The following PLCB4 variants were observed in gnomAD, a reference collection of about 807,000 sequenced individuals.
PLCB4 encodes 1-phosphatidylinositol 4,5-bisphosphate phosphodiesterase beta-4.
Under a neutral mutation model 178.8 loss-of-function variants are expected in PLCB4, and 77 were observed. The ratio of observed to expected loss-of-function variants is 0.43; its 90% CI spans 0.36 to 0.52. PLCB4 has a LOEUF of 0.52. PLCB4 is among the 20% of genes least tolerant of loss of function. The pLI is 0.00. For synonymous variants in PLCB4, 496 were observed against 490.8 expected (o/e 1.01, Z -0.14); for missense variants, 1,024 against 1,453.4 (o/e 0.70, Z 4.80).
intron 25 of PLCB4, among the ~76,000 whole-genome samples, chr20:9,419,222 G>A (rs993794143): frequency 6.6e-6 from 1 of 151,928 alleles, no homozygotes; most frequent in Admixed American, 6.6e-5. Flanking sequence ...CCTACCTCTA[G>A]CTGAAATGTC....
intron 35 of PLCB4, among the ~76,000 whole-genome samples, chr20:9,468,366 T>G (rs1263953543): frequency 6.6e-6 from 1 of 152,222 alleles, no homozygotes; most frequent in Non-Finnish European, 1.5e-5. Flanking sequence ...TTTTCCATGC[T>G]TAAATTATGT....
intron 2 of PLCB4, among the ~76,000 whole-genome samples, chr20:9,136,695 C>A (rs539533373): frequency 3.9e-4 from 60 of 152,254 alleles, no homozygotes; most frequent in African/African-American, 1.1e-3. Flanking sequence ...ATATTCTACA[C>A]ACAGTCGATT....
intron 12 of PLCB4, among the ~76,000 whole-genome samples, chr20:9,375,366 C>G (rs1331545974): frequency 6.6e-6 from 1 of 152,124 alleles, no homozygotes; most frequent in Non-Finnish European, 1.5e-5. Context: ...TCAATTACTC[C>G]AAGAGTTTAA....
chr20:9,187,407 C>T (rs1321780996), intron 2 of PLCB4, among the ~76,000 whole-genome samples: 1 of 152,164 alleles, frequency 6.6e-6, no homozygotes, highest in East Asian at 1.9e-4. Context: ...GTCTGTGTAC[C>T]TCCTTTATCA....
chr20:9,429,235 G>A lies in PLCB4; in HGVS notation c.2524+5283G>A, dbSNP rs2041232650. On this transcript the variant is annotated intron_variant, in intron 28 of 39. Transcript: ENST00000378473. ...GTTTTAGGCCACCTACATGGGTTCT[G>A]CAGAGTCAGGAGTTTGCATGCATCC... is the stretch of plus-strand genomic sequence containing the variant. Among the ~76,000 whole-genome samples the A allele has an allele frequency of 2.6e-5, 4 of 152,182 alleles. No individual in the cohort carries two copies. The South Asian group carries it at 6.2e-4, about 24-fold the overall frequency.
At chr20:9,333,170 T>C (rs2031946925) in intron 4 of PLCB4, among the ~76,000 whole-genome samples, 1 of 152,204 alleles carries the variant, frequency 6.6e-6, no homozygotes, top group Admixed American at 6.5e-5. Context: ...TTTTTTCATT[T>C]ATTTTTAAGT....
chr20:9,309,179 A>G (rs6108280), intron 4 of PLCB4, among the ~76,000 whole-genome samples: 79,831 of 151,950 alleles, frequency 0.53, 24,430 homozygotes, highest in Non-Finnish European at 0.69. Context: ...CTCCTGCTTA[A>G]TTACCTCACC....
At chr20:9,141,708 C>A (rs905567242) in intron 2 of PLCB4, among the ~76,000 whole-genome samples, 1 of 152,034 alleles carries the variant, frequency 6.6e-6, no homozygotes, top group African/African-American at 2.4e-5. Flanking sequence ...GGAATTATGG[C>A]ATGCGTATAT....
chr20:9,100,196 C>T (rs2091087862), intron 2 of PLCB4, among the ~76,000 whole-genome samples: 1 of 152,104 alleles, frequency 6.6e-6, no homozygotes, highest in African/African-American at 2.4e-5. Context: ...GGTCCAGAGC[C>T]ACCTGTGGTG....
intron 3 of PLCB4, among the ~76,000 whole-genome samples, chr20:9,234,960 T>C (rs2093977307): frequency 6.6e-6 from 1 of 152,200 alleles, no homozygotes; most frequent in Non-Finnish European, 1.5e-5. Flanking sequence ...CCAAACTCCA[T>C]TACTGCAGTT....
Position 9,186,767 on chromosome 20 carries a change from T to C in PLCB4, c.-78-30623T>C, listed in dbSNP as rs570961202. 3.3e-5 allele frequency among the ~76,000 whole-genome samples: 5 copies of C among 152,248 alleles called. No individual in the cohort carries two copies. In the South Asian group the frequency reaches 8.3e-4, roughly 25 times the overall value. On this transcript the variant is annotated intron_variant, in intron 2 of 39. Transcript: ENST00000378473. ...CTTCTAGCTAGTTATCTTGTGCTTC[T>C]CTTCCCAGCCTGTTTATCTAAATGA...
chr20:9,102,417 G>A (rs778640456), intron 2 of PLCB4, among the ~76,000 whole-genome samples: 5 of 152,144 alleles, frequency 3.3e-5, no homozygotes, highest in African/African-American at 4.8e-5. Flanking sequence ...CAGCAAATGC[G>A]GTGGTTCGAG....
intron 28 of PLCB4, among the ~76,000 whole-genome samples, chr20:9,433,831 A>G (rs1276076806): frequency 6.6e-6 from 1 of 152,208 alleles, no homozygotes; most frequent in Non-Finnish European, 1.5e-5. Flanking sequence ...AGAGGCAAAG[A>G]GTTCTTAGGG....
chr20:9,120,886 G>A (rs1287772221), intron 2 of PLCB4, among the ~76,000 whole-genome samples: 1 of 152,044 alleles, frequency 6.6e-6, no homozygotes, highest in Non-Finnish European at 1.5e-5. Flanking sequence ...GCTCTCTTTT[G>A]GTGTTTCCAC....
At chr20:9,166,708 A>C (rs1267430499) in intron 2 of PLCB4, 2 of 152,246 alleles carry the variant, frequency 1.3e-5, no homozygotes, top group Middle Eastern at 3.4e-3. Context: ...AAAAAAGCAT[A>C]CTGAAAAATG....
At chr20:9,127,668 A>G (rs1027944522) in intron 2 of PLCB4, among the ~76,000 whole-genome samples, 1 of 151,566 alleles carries the variant, frequency 6.6e-6, no homozygotes, top group African/African-American at 2.4e-5. Flanking sequence ...CTATCTATCT[A>G]TCTATCTATC....
chr20:9,315,624 A>C (rs1437521769), intron 4 of PLCB4, among the ~76,000 whole-genome samples: 2 of 152,236 alleles, frequency 1.3e-5, no homozygotes, highest in East Asian at 3.9e-4. Context: ...TTGAAGTTGT[A>C]GCTGAATGAT....
chr20:9,200,457 C>A (rs181897388), intron 2 of PLCB4, among the ~76,000 whole-genome samples: 27 of 152,292 alleles, frequency 1.8e-4, no homozygotes, highest in Non-Finnish European at 3.1e-4. Flanking sequence ...TCTTGCCCTG[C>A]CGTAGTCAGT....
chr20:9,402,957 A>T (rs1046231124), intron 20 of PLCB4, among the ~76,000 whole-genome samples: 4 of 152,160 alleles, frequency 2.6e-5, no homozygotes, highest in African/African-American at 9.7e-5. Context: ...TCATTTCCTA[A>T]CTGTCTAACT....
Sources: gnomAD v4.1 joint callset for allele counts (sites outside exome capture counted in the v4.1 genomes callset) on GRCh38, gnomAD v4.1.1 for gene constraint, MANE v1.5 for transcripts, NCBI Gene and HGNC (gene_info 2026-07-23, HGNC 2026-07-21) for gene names.